Variants in TRPS1 observed in about 807,000 individuals in gnomAD.
TRPS1 encodes zinc finger transcription factor Trps1.
Under a neutral mutation model 101.2 loss-of-function variants are expected in TRPS1, and 6 were observed. The ratio of observed to expected loss-of-function variants is 0.06; its 90% CI spans 0.03 to 0.12. TRPS1 has a LOEUF of 0.12. TRPS1 is among the 10% of genes least tolerant of loss of function. The probability of loss-of-function intolerance (pLI) is 1.00; values close to 1 mark genes in which losing one functional copy is unlikely to be tolerated. For missense variants in TRPS1, 1,363 were observed against 1,567.0 expected, an observed-to-expected ratio of 0.87 and a Z score of 2.20; for synonymous variants, 578 against 589.8, an observed-to-expected ratio of 0.98 and a Z score of 0.29.
intron 1 of TRPS1, among the ~76,000 whole-genome samples, chr8:115,636,890 C>T (rs764442745): frequency 3.1e-4 from 47 of 150,758 alleles, no homozygotes; most frequent in African/African-American, 1.1e-3. Context: ...CCAGCCTGGG[C>T]AACAGAGTGA....
chr8:115,535,889 A>G (rs912217347), intron 5 of TRPS1, among the ~76,000 whole-genome samples: 1 of 151,946 alleles, frequency 6.6e-6, no homozygotes, highest in African/African-American at 2.4e-5. Flanking sequence ...GAGCATTATA[A>G]TATGAATAAT....
At chr8:115,507,486 ACATGGAATCAATATGTGAGCCAG>A (rs1273162862) in intron 5 of TRPS1, among the ~76,000 whole-genome samples, 4 of 152,134 alleles carry the variant, frequency 2.6e-5, no homozygotes, top group Middle Eastern at 3.4e-3. Flanking sequence ...TCATTTTCAC[ACATGGAATCAATATGTGAGCCAG>A]ATGTTCATTT....
chr8:115,585,971 C>T (rs899089276), intron 5 of TRPS1, among the ~76,000 whole-genome samples: 4 of 152,196 alleles, frequency 2.6e-5, no homozygotes, highest in Non-Finnish European at 4.4e-5. Flanking sequence ...GAGAGCAGAG[C>T]AGCCAAGCAG....
chr8:115,545,356 G>A (rs147221032), intron 5 of TRPS1, among the ~76,000 whole-genome samples: 8 of 152,262 alleles, frequency 5.3e-5, no homozygotes, highest in Non-Finnish European at 8.8e-5. Context: ...CCTCTATTCA[G>A]TAGCATTTTT....
At chr8:115,469,455 T>C (rs1814409251) in intron 5 of TRPS1, among the ~76,000 whole-genome samples, 2 of 152,172 alleles carry the variant, frequency 1.3e-5, no homozygotes, top group South Asian at 4.1e-4. Flanking sequence ...AATCATATAA[T>C]TGCTTCTTCT....
chr8:115,629,725 T>C (rs531449084), intron 1 of TRPS1, among the ~76,000 whole-genome samples: 30 of 151,968 alleles, frequency 2.0e-4, no homozygotes, highest in Non-Finnish European at 2.9e-4. Flanking sequence ...CCATCTTCAG[T>C]TCATATAGTT....
chr8:115,573,334 TACAA>T (rs1228483581), intron 5 of TRPS1, among the ~76,000 whole-genome samples: 2 of 152,144 alleles, frequency 1.3e-5, no homozygotes, highest in Non-Finnish European at 2.9e-5. Flanking sequence ...AGTAAGTTAC[TACAA>T]ACAAAGAGTA....
At chr8:115,580,118 A>G (rs1048599070) in intron 5 of TRPS1, among the ~76,000 whole-genome samples, 2 of 151,978 alleles carry the variant, frequency 1.3e-5, no homozygotes, top group African/African-American at 4.8e-5. Context: ...TAGATACAGC[A>G]GTACCTAGCT....
chr8:115,453,951 A>C (rs1813949703), intron 5 of TRPS1, among the ~76,000 whole-genome samples: 1 of 152,212 alleles, frequency 6.6e-6, no homozygotes, highest in South Asian at 2.1e-4. Context: ...GTGAAGCTGA[A>C]ATAGGTTGTT....
intron 5 of TRPS1, among the ~76,000 whole-genome samples, chr8:115,523,534 A>AAAT (rs1454527510): frequency 6.6e-6 from 1 of 152,162 alleles, no homozygotes; most frequent in Non-Finnish European, 1.5e-5. Flanking sequence ...TCTGTCTCAA[A>AAAT]AATAATAATA....
intron 5 of TRPS1, among the ~76,000 whole-genome samples, chr8:115,548,617 T>C (rs1312531297): frequency 1.3e-5 from 2 of 152,126 alleles, no homozygotes; most frequent in Non-Finnish European, 2.9e-5. Context: ...CCTGAGGATT[T>C]GGGAACACTG....
intron 5 of TRPS1, among the ~76,000 whole-genome samples, chr8:115,445,003 C>T (rs1813697933): frequency 6.6e-6 from 1 of 152,200 alleles, no homozygotes; most frequent in Admixed American, 6.5e-5. Context: ...CTTTTCACAA[C>T]TCAGTGGATA....
At chr8:115,551,412 T>C (rs544312771) in intron 5 of TRPS1, among the ~76,000 whole-genome samples, 1 of 152,318 alleles carries the variant, frequency 6.6e-6, no homozygotes, top group South Asian at 2.1e-4. Flanking sequence ...TATGATGTAG[T>C]GTTTTCCTCT....
rs114719567 is a variant in TRPS1 at position 115,657,046 on chromosome 8, C to T, written c.-122+11499G>A. 9.3e-3 allele frequency among the ~76,000 whole-genome samples: 1,411 copies of T among 152,218 alleles called. 28 individuals are homozygous for T. The highest frequency in any genetic ancestry group is 0.032 in the African/African-American group (1,337 of 41,544). On this transcript the variant is annotated intron_variant, in intron 1 of 6. Transcript: ENST00000395715. ...GTTTGGAAATAATGGAAGCATATTT[C>T]GTTTTAAAAATCTAAAACATTTTAA...
At chr8:115,515,173 C>A in intron 5 of TRPS1, 1 of 685,664 alleles carries the variant, frequency 1.5e-6, no homozygotes, top group Admixed American at 2.1e-5. Flanking sequence ...AAATTCTTTT[C>A]GTTACTCTCC....
chr8:115,659,716 G>T (rs1360100130), intron 1 of TRPS1, among the ~76,000 whole-genome samples: 1 of 151,922 alleles, frequency 6.6e-6, no homozygotes, highest in Non-Finnish European at 1.5e-5. Flanking sequence ...ATCTTGCAAA[G>T]CTAAAGATGA....
intron 5 of TRPS1, among the ~76,000 whole-genome samples, chr8:115,485,243 T>C (rs958645173): frequency 3.9e-5 from 6 of 152,174 alleles, no homozygotes; most frequent in African/African-American, 1.4e-4. Context: ...TTGACAGTGG[T>C]CTCCGGCCAA....
At chr8:115,480,519 G>C (rs1318180038) in intron 5 of TRPS1, among the ~76,000 whole-genome samples, 2 of 151,976 alleles carry the variant, frequency 1.3e-5, no homozygotes, top group Non-Finnish European at 2.9e-5. Flanking sequence ...TAGGTATGTG[G>C]AATTTTTATC....
At chr8:115,517,890 G>C (rs913928595) in intron 5 of TRPS1, among the ~76,000 whole-genome samples, 1 of 151,672 alleles carries the variant, frequency 6.6e-6, no homozygotes, top group African/African-American at 2.4e-5. Context: ...GGGTTTGTTT[G>C]ATAATTGCAT....
Sources: gnomAD v4.1 joint callset for allele counts (sites outside exome capture counted in the v4.1 genomes callset) on GRCh38, gnomAD v4.1.1 for gene constraint, MANE v1.5 for transcripts, NCBI Gene and HGNC (gene_info 2026-07-23, HGNC 2026-07-21) for gene names.